Variants in SH3RF3 observed in about 807,000 individuals in gnomAD.
SH3RF3 encodes E3 ubiquitin-protein ligase SH3RF3.
A neutral mutation model predicts 66.3 loss-of-function variants in SH3RF3; 29 were observed. The observed-to-expected ratio is 0.44, with a 90% CI of 0.33 to 0.60. SH3RF3 has a LOEUF of 0.60. SH3RF3 is among the 20% of genes least tolerant of loss of function. The pLI is 0.04. For synonymous variants in SH3RF3, 583 were observed against 532.0 expected, an observed-to-expected ratio of 1.10 and a Z score of -1.32; for missense variants, 1,194 against 1,190.9, an observed-to-expected ratio of 1.00 and a Z score of -0.04.
chr2:109,145,406 A>T (rs1227479681), intron 1 of SH3RF3, among the ~76,000 whole-genome samples: 2 of 152,092 alleles, frequency 1.3e-5, no homozygotes, highest in East Asian at 1.9e-4. Context: ...CACTGTGTTC[A>T]TTCCTGCTGT....
intron 2 of SH3RF3, among the ~76,000 whole-genome samples, chr2:109,353,759 G>A (rs2105590685): frequency 6.6e-6 from 1 of 152,336 alleles, no homozygotes; most frequent in South Asian, 2.1e-4. Flanking sequence ...GTGGAGACAA[G>A]ACGAGAGAGT....
At chr2:109,144,574 G>A (rs559300735) in intron 1 of SH3RF3, among the ~76,000 whole-genome samples, 3 of 152,356 alleles carry the variant, frequency 2.0e-5, no homozygotes, top group East Asian at 1.9e-4. Flanking sequence ...TGCAAGCAGC[G>A]TTGGGAAAAT....
intron 5 of SH3RF3, among the ~76,000 whole-genome samples, chr2:109,423,878 G>A (rs1676957650): frequency 6.6e-6 from 1 of 152,230 alleles, no homozygotes; most frequent in Non-Finnish European, 1.5e-5. Context: ...TCTAGAGAGG[G>A]CACAGCTGGG....
intron 5 of SH3RF3, among the ~76,000 whole-genome samples, chr2:109,431,413 A>G (rs958790096): frequency 7.2e-5 from 11 of 152,180 alleles, no homozygotes; most frequent in Admixed American, 5.2e-4. Flanking sequence ...ACCTTCCCCA[A>G]ATCCCAAAAG....
chr2:109,153,045 A>G (rs1677258758), intron 1 of SH3RF3, among the ~76,000 whole-genome samples: 1 of 152,214 alleles, frequency 6.6e-6, no homozygotes, highest in Non-Finnish European at 1.5e-5. Context: ...GACCCAGTCT[A>G]CAGACAAGGG....
chr2:109,131,109 C>T (rs994624382), intron 1 of SH3RF3, among the ~76,000 whole-genome samples: 1 of 152,190 alleles, frequency 6.6e-6, no homozygotes, highest in Non-Finnish European at 1.5e-5. Flanking sequence ...ATGCCTAGTC[C>T]TTCCACTATG....
At chr2:109,495,429 A>ACACTCTG (rs1679231345) in intron 9 of SH3RF3, among the ~76,000 whole-genome samples, 1 of 147,316 alleles carries the variant, frequency 6.8e-6, no homozygotes, top group Non-Finnish European at 1.5e-5. Flanking sequence ...GAGTAGACAG[A>ACACTCTG]CACTCTGGGC....
chr2:109,260,195 T>C (rs1680316388), intron 1 of SH3RF3, among the ~76,000 whole-genome samples: 1 of 152,140 alleles, frequency 6.6e-6, no homozygotes, highest in African/African-American at 2.4e-5. Flanking sequence ...AAGCCTGCAG[T>C]GCACTACTGA....
At chr2:109,165,086 C>G (rs1013693868) in intron 1 of SH3RF3, among the ~76,000 whole-genome samples, 7 of 152,322 alleles carry the variant, frequency 4.6e-5, no homozygotes, top group African/African-American at 1.2e-4. Context: ...ATTCTGTGTT[C>G]TTACTCCCAG....
chr2:109,377,751 G>C (rs1158308137), intron 3 of SH3RF3, among the ~76,000 whole-genome samples: 1 of 152,138 alleles, frequency 6.6e-6, no homozygotes, highest in Non-Finnish European at 1.5e-5. Flanking sequence ...AGACCACTGG[G>C]TTCTAAGCCT....
chr2:109,326,545 G>T (rs1176304666), intron 1 of SH3RF3, among the ~76,000 whole-genome samples: 3 of 152,204 alleles, frequency 2.0e-5, no homozygotes, highest in Non-Finnish European at 4.4e-5. Context: ...AATCTGGTGG[G>T]TGTGAAATGG....
At chr2:109,273,546 T>C (rs1462911938) in intron 1 of SH3RF3, among the ~76,000 whole-genome samples, 1 of 152,182 alleles carries the variant, frequency 6.6e-6, no homozygotes, top group African/African-American at 2.4e-5. Flanking sequence ...ACGTGTTTAG[T>C]GAATGCATGT....
At chr2:109,297,188 G>A (rs576880639) in intron 1 of SH3RF3, among the ~76,000 whole-genome samples, 6 of 151,910 alleles carry the variant, frequency 3.9e-5, no homozygotes, top group African/African-American at 1.5e-4. Context: ...TCTGCAGGGG[G>A]GTGAGTTCCC....
intron 1 of SH3RF3, among the ~76,000 whole-genome samples, chr2:109,301,749 GC>G (rs1341973274): frequency 1.3e-5 from 2 of 152,188 alleles, no homozygotes; most frequent in African/African-American, 4.8e-5. Flanking sequence ...TGCTAAGCTG[GC>G]CTTGCACTTT....
At chr2:109,360,869 C>A (rs1683038842) in intron 2 of SH3RF3, among the ~76,000 whole-genome samples, 1 of 152,172 alleles carries the variant, frequency 6.6e-6, no homozygotes, top group Non-Finnish European at 1.5e-5. Context: ...AAAGCAGGGG[C>A]AGAGAGTACA....
intron 1 of SH3RF3, among the ~76,000 whole-genome samples, chr2:109,189,827 C>T (rs1239950370): frequency 6.6e-6 from 1 of 152,180 alleles, no homozygotes; most frequent in African/African-American, 2.4e-5. Context: ...TCAGAGTTCT[C>T]AAGCCGACAG....
chr2:109,340,752 A>T (rs774983762), intron 1 of SH3RF3, among the ~76,000 whole-genome samples: 1 of 152,210 alleles, frequency 6.6e-6, no homozygotes, highest in Non-Finnish European at 1.5e-5. Flanking sequence ...GAAGCACGGA[A>T]GGGCAGATTT....
At chr2:109,481,412 G>A (rs1672612456) in intron 8 of SH3RF3, among the ~76,000 whole-genome samples, 1 of 152,208 alleles carries the variant, frequency 6.6e-6, no homozygotes, top group African/African-American at 2.4e-5. Flanking sequence ...ACAGGCCAGA[G>A]ACTGGTGTAT....
At chr2:109,255,914 G>A (rs1435134318) in intron 1 of SH3RF3, among the ~76,000 whole-genome samples, 2 of 152,204 alleles carry the variant, frequency 1.3e-5, no homozygotes, top group African/African-American at 2.4e-5. Context: ...TGCAGATCAA[G>A]GCCTTTGAAA....
Sources: gnomAD v4.1 joint callset for allele counts (sites outside exome capture counted in the v4.1 genomes callset) on GRCh38, gnomAD v4.1.1 for gene constraint, MANE v1.5 for transcripts, NCBI Gene and HGNC (gene_info 2026-07-23, HGNC 2026-07-21) for gene names.